Variants in BBS9 observed in about 807,000 individuals in gnomAD.
BBS9 encodes the protein protein PTHB1.
A neutral mutation model predicts 117.7 loss-of-function variants in BBS9; 89 were observed. The ratio of observed to expected loss-of-function variants is 0.76; its 90% CI spans 0.64 to 0.90. The LOEUF (loss-of-function observed/expected upper bound fraction) is 0.90. Ranked by LOEUF, BBS9 falls within the 40% of genes least tolerant of loss-of-function variation. The pLI, the probability that BBS9 is intolerant of heterozygous loss-of-function variation, is 0.00. For synonymous variants in BBS9, 379 were observed against 370.9 expected (o/e 1.02, Z -0.25); for missense variants, 982 against 1,042.2 (o/e 0.94, Z 0.80).
chr7:33,284,781 A>C (rs548595664), intron 9 of BBS9, among the ~76,000 whole-genome samples: 1 of 152,014 alleles, frequency 6.6e-6, no homozygotes, highest in South Asian at 2.1e-4. Context: ...TTTGTGTTCC[A>C]TATCAGTTTT....
chr7:33,259,871 T>G (rs1797674908), intron 6 of BBS9, among the ~76,000 whole-genome samples: 2 of 152,056 alleles, frequency 1.3e-5, no homozygotes. Context: ...CAGGCCTATA[T>G]TTTTTCACTT....
At position 33,325,698 on chromosome 7, in the gene BBS9, A is replaced by C. The variant is rs1056045962; in HGVS notation, c.1017-10743A>C. Among the ~76,000 whole-genome samples, 7 of 152,192 alleles carry C rather than the reference A, an allele frequency of 4.6e-5. No individual in the cohort carries two copies. The South Asian group carries it at 1.4e-3, about 32-fold the overall frequency. On this transcript the variant is annotated intron_variant, in intron 9 of 22. Transcript: ENST00000242067. The stretch of plus-strand genomic sequence containing the variant: ...TTTGGGTCACTGCAGCCATATCTGC[A>C]TTAGGGGGCACCTGAAGCCCAGTAA...
At chr7:33,353,741 G>A (rs1269521501) in intron 15 of BBS9, among the ~76,000 whole-genome samples, 2 of 151,928 alleles carry the variant, frequency 1.3e-5, no homozygotes, top group East Asian at 1.9e-4. Flanking sequence ...TACTAATGCC[G>A]TTTGGGTGAT....
intron 5 of BBS9, among the ~76,000 whole-genome samples, chr7:33,253,670 T>C (rs1796578722): frequency 6.6e-6 from 1 of 151,858 alleles, no homozygotes; most frequent in African/African-American, 2.4e-5. Flanking sequence ...GATAAAGGAG[T>C]CTAGGGCTGA....
At position 33,336,453 on chromosome 7, in the gene BBS9, A is replaced by C; in HGVS notation, c.1029A>C (p.Gly343=). Residue 343 remains glycine, a synonymous_variant, in exon 10 of 23, where the codon GGA becomes GGC. Coordinates refer to ENST00000242067, the MANE Select transcript of BBS9 (RefSeq NM_198428.3). ...TTCCTTATTGTAGTGATTTAAAGGG[A>C]GTGATAGTCACTCTGAGTGATGATG... ...VRVGCLHDLK[G]VIVTLSDDGH... The C allele has an allele frequency of 6.2e-7, 1 of 1,613,410 alleles. No homozygotes were observed. The highest frequency in any genetic ancestry group is 8.5e-7 in the Non-Finnish European group (1 of 1,179,494).
chr7:33,164,968 G>C (rs577654564), intron 4 of BBS9, among the ~76,000 whole-genome samples: 1 of 152,050 alleles, frequency 6.6e-6, no homozygotes, highest in Non-Finnish European at 1.5e-5. Context: ...GGCTGATACC[G>C]GTCTTTCCTT....
At chr7:33,348,976 A>C in intron 12 of BBS9, 92 bp from the exon 13 acceptor site, 1 of 879,210 alleles carries the variant, frequency 1.1e-6, no homozygotes, top group Non-Finnish European at 1.9e-6. Flanking sequence ...AATATTTTCT[A>C]ATTATTTGCT....
At chr7:33,465,651 A>G (rs1039104875) in intron 19 of BBS9, among the ~76,000 whole-genome samples, 1 of 152,110 alleles carries the variant, frequency 6.6e-6, no homozygotes, top group African/African-American at 2.4e-5. Flanking sequence ...TGGACATGTT[A>G]CTGCCTATAT....
intron 21 of BBS9, among the ~76,000 whole-genome samples, chr7:33,623,580 G>A (rs566906200): frequency 8.6e-6 from 1 of 116,834 alleles, no homozygotes; most frequent in East Asian, 2.5e-4. Flanking sequence ...GCTCATAAAA[G>A]CATGATTAAA....
At chr7:33,191,522 A>G (rs1296591664) in intron 5 of BBS9, among the ~76,000 whole-genome samples, 2 of 152,156 alleles carry the variant, frequency 1.3e-5, no homozygotes, top group African/African-American at 4.8e-5. Context: ...CTTAGAACTG[A>G]CAGGAGAGGC....
At chr7:33,527,277 C>T (rs962299333) in intron 20 of BBS9, among the ~76,000 whole-genome samples, 5 of 152,234 alleles carry the variant, frequency 3.3e-5, no homozygotes, top group East Asian at 1.9e-4. Context: ...GGGCTCCCCC[C>T]AGTTCGAGCT....
chr7:33,449,544 T>C (rs1837485354), intron 19 of BBS9, among the ~76,000 whole-genome samples: 1 of 152,126 alleles, frequency 6.6e-6, no homozygotes, highest in African/African-American at 2.4e-5. Context: ...AAGCCAGCCG[T>C]GAGGGCTTGG....
chr7:33,264,240 A>G (rs1798425632), intron 6 of BBS9, 50 bp from the exon 7 acceptor site: 1 of 966,180 alleles, frequency 1.0e-6, no homozygotes, highest in South Asian at 2.4e-5. Flanking sequence ...AATAATTTAT[A>G]ATTTTTAATT....
chr7:33,540,157 G>C (rs1026505331), intron 21 of BBS9, among the ~76,000 whole-genome samples: 23 of 152,176 alleles, frequency 1.5e-4, no homozygotes, highest in Admixed American at 1.4e-3. Flanking sequence ...ATGTGCTAAT[G>C]TGACGTTTCA....
At chr7:33,504,361 G>A (rs574008143) in intron 19 of BBS9, among the ~76,000 whole-genome samples, 2 of 152,264 alleles carry the variant, frequency 1.3e-5, no homozygotes, top group South Asian at 2.1e-4. Context: ...GACACTCTGA[G>A]GGCTGTTTCT....
chr7:33,210,635 C>T (rs573115632), intron 5 of BBS9, among the ~76,000 whole-genome samples: 6 of 152,276 alleles, frequency 3.9e-5, no homozygotes, highest in African/African-American at 1.4e-4. Context: ...CTCCCGGGTT[C>T]AAGCGAATTC....
intron 6 of BBS9, among the ~76,000 whole-genome samples, chr7:33,260,433 A>G (rs1266086775): frequency 6.6e-6 from 1 of 152,088 alleles, no homozygotes; most frequent in Non-Finnish European, 1.5e-5. Context: ...TTCACCTCCT[A>G]GATATATTAC....
At chr7:33,157,204 T>C (rs1349412594) in intron 4 of BBS9, among the ~76,000 whole-genome samples, 1 of 152,066 alleles carries the variant, frequency 6.6e-6, no homozygotes, top group Non-Finnish European at 1.5e-5. Flanking sequence ...GCCTCTGGAG[T>C]TCCACTGGGG....
At chr7:33,441,517 T>G (rs1563181545) in intron 19 of BBS9, among the ~76,000 whole-genome samples, 1 of 152,206 alleles carries the variant, frequency 6.6e-6, no homozygotes, top group Non-Finnish European at 1.5e-5. Context: ...TTAATGATAT[T>G]TTGGATTATT....
Sources: allele counts gnomAD v4.1 joint callset (sites outside exome capture counted in the v4.1 genomes callset), GRCh38; gene constraint gnomAD v4.1.1; transcripts MANE v1.5; gene names NCBI Gene and HGNC (gene_info 2026-07-23, HGNC 2026-07-21).